The following ABCC6 variants were observed in gnomAD, a reference collection of about 807,000 sequenced individuals.
The protein encoded by ABCC6 is ATP-binding cassette sub-family C member 6.
Under a neutral mutation model 169.5 loss-of-function variants are expected in ABCC6, and 126 were observed. The ratio of observed to expected loss-of-function variants is 0.74; its 90% CI spans 0.64 to 0.86. The LOEUF (loss-of-function observed/expected upper bound fraction) is 0.86. Ranked by LOEUF, ABCC6 falls within the 40% of genes least tolerant of loss-of-function variation. The probability of loss-of-function intolerance (pLI) is 0.00; values close to 1 mark genes in which losing one functional copy is unlikely to be tolerated. For synonymous variants in ABCC6, 752 were observed against 814.7 expected, an observed-to-expected ratio of 0.92 and a Z score of 1.31; for missense variants, 1,733 against 1,927.2, an observed-to-expected ratio of 0.90 and a Z score of 1.89.
intron 22 of ABCC6, among the ~76,000 whole-genome samples, chr16:16,167,904 GA>G (rs1348223838): frequency 2.0e-5 from 3 of 152,194 alleles, no homozygotes. Context: ...GAAGGATTTT[GA>G]AAGGGCTATT....
intron 5 of ABCC6, among the ~76,000 whole-genome samples, chr16:16,213,720 C>T (rs1198311143): frequency 1.3e-5 from 2 of 149,628 alleles, no homozygotes; most frequent in Non-Finnish European, 3.0e-5. Flanking sequence ...ACCACCATGC[C>T]TGGCTAATTT....
chr16:16,173,167 A>G (rs2047166778), intron 21 of ABCC6, 117 bp downstream of exon 21: 1 of 1,390,064 alleles, frequency 7.2e-7, no homozygotes, highest in Admixed American at 1.8e-5. Flanking sequence ...CTACTGGCAC[A>G]TAGTAGGTGC....
chr16:16,205,650 C>A (rs986420377), intron 7 of ABCC6, among the ~76,000 whole-genome samples: 7 of 152,058 alleles, frequency 4.6e-5, no homozygotes, highest in Admixed American at 3.3e-4. Flanking sequence ...CAGAGAGCAT[C>A]CCTGCCCACC....
intron 17 of ABCC6, among the ~76,000 whole-genome samples, chr16:16,180,116 G>A (rs994505213): frequency 1.3e-5 from 2 of 152,304 alleles, no homozygotes; most frequent in Admixed American, 1.3e-4. Context: ...CTGACAGGAG[G>A]TGGAGCTCAG....
At chr16:16,215,128 G>T (rs1401528064) in intron 4 of ABCC6, among the ~76,000 whole-genome samples, 1 of 152,154 alleles carries the variant, frequency 6.6e-6, no homozygotes, top group Non-Finnish European at 1.5e-5. Flanking sequence ...CCTTGGCCAG[G>T]GTTCTCTGTT....
chr16:16,203,264 T>A, intron 8 of ABCC6, 146 bp downstream of exon 8: 3 of 1,415,980 alleles, frequency 2.1e-6, no homozygotes, highest in Non-Finnish European at 2.9e-6. Context: ...TCCATTTCCC[T>A]TCCTCAGTGT....
chr16:16,194,630 C>T (rs568045063), intron 10 of ABCC6, among the ~76,000 whole-genome samples: 2 of 152,280 alleles, frequency 1.3e-5, no homozygotes, highest in South Asian at 4.1e-4. Flanking sequence ...ACCCCAACTC[C>T]AGTCTGTGTG....
At chr16:16,192,276 G>A (rs1457234545) in intron 11 of ABCC6, among the ~76,000 whole-genome samples, 1 of 152,154 alleles carries the variant, frequency 6.6e-6, no homozygotes, top group African/African-American at 2.4e-5. Context: ...TGGGTAGAAG[G>A]TGAGGTTGGA....
chr16:16,203,682 C>A, intron 7 of ABCC6, 69 bp from the exon 8 acceptor site: 1 of 1,573,150 alleles, frequency 6.4e-7, no homozygotes, highest in Non-Finnish European at 8.7e-7. Flanking sequence ...CAGGGCCAGG[C>A]ATTAAAGGGT....
chr16:16,190,224 C>A lies in ABCC6; in HGVS notation c.1575G>T (p.Leu525Phe), dbSNP rs1348337015. ...CAGAGAAGAGGAGGCCGGAGGTCCG[C>A]AAGGCGCCCAGCTCCTGGCCTCGGA... ...LGIRGQELGA[L>F]RTSGLLFSVS... Residue 525 changes from leucine (L) to phenylalanine (F), a missense_variant, in exon 12 of 31, where the codon TTG (leucine) becomes TTT (phenylalanine). By Grantham distance (22) the Leu-to-Phe change is conservative (BLOSUM62 0). Transcript: ENST00000205557. 2.0e-5 allele frequency: 32 copies of A among 1,613,992 alleles called. No individual in the cohort carries two copies. The highest frequency in any genetic ancestry group is 2.7e-5 in the Non-Finnish European group (32 of 1,180,034).
At chr16:16,207,503 G>GC (rs2048430521) in intron 7 of ABCC6, among the ~76,000 whole-genome samples, 1 of 152,064 alleles carries the variant, frequency 6.6e-6, no homozygotes, top group African/African-American at 2.4e-5. Flanking sequence ...CCCTGATCCA[G>GC]CAACACCTGA....
At chr16:16,180,117 T>G (rs1034056331) in intron 17 of ABCC6, among the ~76,000 whole-genome samples, 7 of 152,118 alleles carry the variant, frequency 4.6e-5, no homozygotes, top group Non-Finnish European at 1.5e-5. Context: ...TGACAGGAGG[T>G]GGAGCTCAGG....
Position 16,169,696 on chromosome 16 carries a change from G to T in ABCC6, c.2945C>A (p.Thr982Lys), listed in dbSNP as rs757861271. The stretch of plus-strand genomic sequence containing the variant: ...GATCCCGCCACGCAGGGCTGCCTGC[G>T]TCTGCTGCCCACCTACTGCAGGGTC... ...ADDPAVGGQQ[T>K]QAALRGGIFG... Residue 982 changes from threonine (T) to lysine (K), a missense_variant, in exon 22 of 31, where the codon ACG (threonine) becomes AAG (lysine). By Grantham distance (78) the Thr-to-Lys change is moderately conservative (BLOSUM62 -1). Coordinates refer to ENST00000205557, the MANE Select transcript of ABCC6 (RefSeq NM_001171.6). The T allele has an allele frequency of 1.9e-6, 3 of 1,611,528 alleles. No individual in the cohort carries two copies. The South Asian group carries it at 3.3e-5, about 18-fold the overall frequency.
intron 29 of ABCC6, among the ~76,000 whole-genome samples, chr16:16,152,648 C>T (rs902197809): frequency 6.8e-6 from 1 of 147,004 alleles, no homozygotes; most frequent in Non-Finnish European, 1.5e-5. Flanking sequence ...TTATTCCCAC[C>T]TTACAGATGA....
intron 29 of ABCC6, among the ~76,000 whole-genome samples, chr16:16,151,875 G>A (rs986222938): frequency 6.6e-6 from 1 of 152,020 alleles, no homozygotes; most frequent in Non-Finnish European, 1.5e-5. Flanking sequence ...CGTCCTCGCT[G>A]AATCGTGACG....
At chr16:16,214,790 A>G (rs1337000689) in intron 4 of ABCC6, among the ~76,000 whole-genome samples, 1 of 152,044 alleles carries the variant, frequency 6.6e-6, no homozygotes, top group African/African-American at 2.4e-5. Flanking sequence ...AAATATTTTT[A>G]GTAGAGATGG....
intron 9 of ABCC6, among the ~76,000 whole-genome samples, chr16:16,198,459 C>T (rs2048127756): frequency 6.6e-6 from 1 of 152,178 alleles, no homozygotes; most frequent in South Asian, 2.1e-4. Flanking sequence ...CCAGTGCTCA[C>T]CATGTCGCAG....
Position 16,182,941 on chromosome 16 carries a change from A to C in ABCC6, c.1944-11T>G. 1 of 1,614,112 alleles carries C rather than the reference A, an allele frequency of 6.2e-7. No homozygotes were observed. Among genetic ancestry groups the C allele is most frequent in the Non-Finnish European group, 8.5e-7 (1 of 1,180,020 alleles). On this transcript the variant is annotated splice_polypyrimidine_tract_variant and intron_variant, in intron 15 of 30. Transcript: ENST00000205557. ...ACCGTGAGGTTTATTCTGGACACGC[A>C]AGAGGGGAGACATGACCTTGGTTAG...
chr16:16,154,580 C>G (rs1251835705), intron 29 of ABCC6, 48 bp downstream of exon 29: 2 of 1,607,720 alleles, frequency 1.2e-6, no homozygotes, highest in Non-Finnish European at 1.7e-6. Context: ...GCATGGCCAT[C>G]CCCTCCTCTC....
Sources: allele counts gnomAD v4.1 joint callset (sites outside exome capture counted in the v4.1 genomes callset), GRCh38; gene constraint gnomAD v4.1.1; transcripts MANE v1.5; gene names NCBI Gene and HGNC (gene_info 2026-07-23, HGNC 2026-07-21).